Variants in SEC61B observed in about 807,000 individuals in gnomAD.
SEC61B encodes protein transport protein Sec61 subunit beta.
SEC61B carries 7 observed loss-of-function variants against 12.6 expected under a neutral mutation model. The observed-to-expected ratio is 0.55, with a 90% CI of 0.32 to 1.04. The LOEUF is 1.04. SEC61B is among the 50% of genes least tolerant of loss of function. The probability of loss-of-function intolerance (pLI) is 0.05; values close to 1 mark genes in which losing one functional copy is unlikely to be tolerated. For synonymous variants in SEC61B, 54 were observed against 50.1 expected, an observed-to-expected ratio of 1.08 and a Z score of -0.33; for missense variants, 107 against 130.1, an observed-to-expected ratio of 0.82 and a Z score of 0.86.
chr9:99,226,897 G>T (rs1828903585), intron 2 of SEC61B, among the ~76,000 whole-genome samples: 1 of 152,134 alleles, frequency 6.6e-6, no homozygotes, highest in Admixed American at 6.5e-5. Context: ...GACACAAGGG[G>T]TGTTTTGGTT....
chr9:99,227,929 A>G lies in SEC61B; in HGVS notation c.132A>G (p.Ala44=). The change falls in exon 3 of 4, where the codon GCA becomes GCG. Residue 44 remains alanine (A), a synonymous_variant. Transcript: ENST00000223641. ...ATGCCAGCTGTGGGACAAGGAGTGCAGGCCGCACAACCTCGGCAGGCACCG... is the reference window on the plus strand; with the variant it reads ...ATGCCAGCTGTGGGACAAGGAGTGCGGGCCGCACAACCTCGGCAGGCACCG... ...RKNASCGTRS[A]GRTTSAGTGG... The G allele has an allele frequency of 6.2e-7, 1 of 1,614,136 alleles. No individual in the cohort carries two copies.
chr9:99,225,470 C>A (rs1004629340), intron 2 of SEC61B, among the ~76,000 whole-genome samples: 2 of 152,082 alleles, frequency 1.3e-5, no homozygotes, highest in Non-Finnish European at 2.9e-5. Flanking sequence ...TATGAAGATT[C>A]TGAGGTCGAT....
chr9:99,222,897 A>C, intron 2 of SEC61B: 1 of 399,180 alleles, frequency 2.5e-6, no homozygotes, highest in Non-Finnish European at 4.5e-6. Context: ...CTTTGAGAAA[A>C]CCGATGTCAT....
In SEC61B at chr9:99,230,462, A is replaced by G; in HGVS notation, c.*38A>G. ...CCATCTGTCATCTGAAGAAGGAGGA[A>G]AAAACCCAACATTTCTTGGACCAAA... is the stretch of plus-strand genomic sequence containing the variant. On this transcript the variant is annotated 3_prime_UTR_variant, in exon 4 of 4. Coordinates refer to ENST00000223641, the MANE Select transcript of SEC61B (RefSeq NM_006808.3). 1 of 1,386,792 alleles carries G rather than the reference A, an allele frequency of 7.2e-7. No homozygotes were observed. 85.9% of individuals were successfully genotyped at this position (1,386,792 alleles called of 1,614,324 possible). A position where few individuals can be genotyped will look rare whatever the true frequency, so the allele number is the denominator to read the frequency against.
Position 99,222,553 on chromosome 9 carries a change from C to T in SEC61B, c.11C>T (p.Pro4Leu), listed in dbSNP as rs1326468554. 6.3e-7 allele frequency: 1 copy of T among 1,584,074 alleles called. No homozygotes were observed. Among genetic ancestry groups the T allele is most frequent in the Non-Finnish European group, 8.6e-7 (1 of 1,165,164 alleles). MPG[P>L]TPSGTNVGSS... ...GCTTGTCTCCCTCTACAGCCTGGTC[C>T]GACCCCCAGTGGCACTAACGTGGGA... The change falls in exon 2 of 4, where the codon CCG becomes CTG. Residue 4 changes from proline (P) to leucine (L), a missense_variant. Physicochemically the swap from Pro to Leu is moderately conservative, Grantham distance 98. Coordinates refer to ENST00000223641, the MANE Select transcript of SEC61B (RefSeq NM_006808.3).
chr9:99,229,017 G>A (rs1167397896), intron 3 of SEC61B, among the ~76,000 whole-genome samples: 2 of 151,956 alleles, frequency 1.3e-5, no homozygotes, highest in Non-Finnish European at 2.9e-5. Flanking sequence ...AGTTTACAAA[G>A]TCACAAATTT....
intron 3 of SEC61B, among the ~76,000 whole-genome samples, chr9:99,228,259 CAG>C (rs1388040253): frequency 6.6e-6 from 1 of 152,168 alleles, no homozygotes; most frequent in African/African-American, 2.4e-5. Flanking sequence ...TAAATGAGAA[CAG>C]AGAGAACTGG....
intron 3 of SEC61B, among the ~76,000 whole-genome samples, chr9:99,229,505 A>G (rs1554708808): frequency 6.6e-6 from 1 of 152,046 alleles, no homozygotes; most frequent in Non-Finnish European, 1.5e-5. Context: ...AGTGCGCACT[A>G]CCATGCCTGG....
chr9:99,230,258 C>T (rs1828944224), intron 3 of SEC61B, 79 bp from the exon 4 acceptor site: 3 of 847,394 alleles, frequency 3.5e-6, no homozygotes, highest in South Asian at 1.7e-5. Flanking sequence ...TCTACTTTTC[C>T]CCTAGGCAAT....
At chr9:99,227,289 A>C (rs894568470) in intron 2 of SEC61B, among the ~76,000 whole-genome samples, 5 of 151,392 alleles carry the variant, frequency 3.3e-5, no homozygotes, top group Non-Finnish European at 7.4e-5. Flanking sequence ...AAAAAAAAAA[A>C]AACAAACTAG....
Position 99,222,708 on chromosome 9 carries a change from T to G in SEC61B, c.101+65T>G, listed in dbSNP as rs1056337674. ...ATAGGACCCAGAACCTCGCTGATTC[T>G]GGGGTGGAGACCCTAGCATGTGAAG... On this transcript the variant is annotated intron_variant, in intron 2 of 3. Transcript: ENST00000223641. 8.9e-6 allele frequency: 10 copies of G among 1,124,988 alleles called. No individual in the cohort carries two copies. In the African/African-American group the frequency reaches 1.4e-4, roughly 16 times the overall value. 69.7% of individuals were successfully genotyped at this position (1,124,988 alleles called of 1,614,324 possible).
chr9:99,230,367 T>C lies in SEC61B; in HGVS notation c.234T>C (p.Leu78=). The C allele has an allele frequency of 1.2e-6, 2 of 1,611,636 alleles. No individual in the cohort carries two copies. The highest frequency in any genetic ancestry group is 1.7e-6 in the Non-Finnish European group (2 of 1,178,654). ...CTGTTCCAGTATTGGTTATGAGTCT[T>C]CTGTTCATCGCTTCTGTATTTATGT... ...VGPVPVLVMS[L]LFIASVFMLH... is the part of the protein sequence containing the mutation. The change falls in exon 4 of 4, where the codon CTT becomes CTC. Residue 78 remains leucine (L), a synonymous_variant. Coordinates refer to ENST00000223641, the MANE Select transcript of SEC61B (RefSeq NM_006808.3).
intron 2 of SEC61B, 130 bp downstream of exon 2, chr9:99,222,773 G>C: frequency 3.0e-6 from 2 of 674,072 alleles, no homozygotes; most frequent in Non-Finnish European, 4.8e-6. Flanking sequence ...ACGTGGCCGT[G>C]GGAGTAGTTA....
intron 2 of SEC61B, among the ~76,000 whole-genome samples, chr9:99,223,361 G>A (rs1440847063): frequency 7.4e-5 from 11 of 148,960 alleles, no homozygotes; most frequent in Non-Finnish European, 1.5e-4. Context: ...GGATACCAAA[G>A]CTCTTAGTGG....
intron 2 of SEC61B, among the ~76,000 whole-genome samples, chr9:99,226,766 GAA>G (rs1828901531): frequency 6.6e-6 from 1 of 152,192 alleles, no homozygotes; most frequent in Admixed American, 6.5e-5. Context: ...AAAGAGGAGA[GAA>G]AGGATTCCTT....
chr9:99,225,255 G>A, intron 2 of SEC61B, among the ~76,000 whole-genome samples: 1 of 152,208 alleles, frequency 6.6e-6, no homozygotes, highest in East Asian at 1.9e-4. Context: ...ATAAGACAAT[G>A]TAATTTCAGG....
At chr9:99,227,291 ACAAAC>A (rs1828909699) in intron 2 of SEC61B, among the ~76,000 whole-genome samples, 2 of 150,366 alleles carry the variant, frequency 1.3e-5, no homozygotes, top group African/African-American at 4.9e-5. Flanking sequence ...AAAAAAAAAA[ACAAAC>A]TAGTGACAAC....
At chr9:99,226,332 G>A (rs921983361) in intron 2 of SEC61B, among the ~76,000 whole-genome samples, 1 of 152,218 alleles carries the variant, frequency 6.6e-6, no homozygotes, top group African/African-American at 2.4e-5. Flanking sequence ...CATTCAGAAT[G>A]TGGAGTAAAG....
chr9:99,223,814 C>T (rs1554708399), intron 2 of SEC61B, among the ~76,000 whole-genome samples: 1 of 152,224 alleles, frequency 6.6e-6, no homozygotes, highest in African/African-American at 2.4e-5. Context: ...CAAGACTAAG[C>T]TCAGGGGTTA....
Sources: allele counts gnomAD v4.1 joint callset (sites outside exome capture counted in the v4.1 genomes callset), GRCh38; gene constraint gnomAD v4.1.1; transcripts MANE v1.5; gene names NCBI Gene and HGNC (gene_info 2026-07-23, HGNC 2026-07-21).